SCIN: variants seen among roughly 807,000 people sequenced by gnomAD.
SCIN encodes adseverin.
A neutral mutation model predicts 91.8 loss-of-function variants in SCIN; 91 were observed. The observed-to-expected ratio is 0.99, with a 90% CI of 0.84 to 1.18. The LOEUF (loss-of-function observed/expected upper bound fraction) is 1.18, where lower values mean the gene tolerates loss of function less well. SCIN is among the 50% of genes most tolerant of loss of function. The pLI is 0.00. For missense variants in SCIN, 1,087 were observed against 863.9 expected (o/e 1.26, Z -3.24); for synonymous variants, 367 against 312.6 (o/e 1.17, Z -1.84).
intron 3 of SCIN, among the ~76,000 whole-genome samples, chr7:12,594,917 C>G (rs899559416): frequency 2.0e-5 from 3 of 152,106 alleles, no homozygotes; most frequent in Non-Finnish European, 4.4e-5. Context: ...GTCTCTCTTA[C>G]TCACCCCTCT....
chr7:12,615,995 G>A (rs992405244), intron 4 of SCIN, among the ~76,000 whole-genome samples: 1 of 152,086 alleles, frequency 6.6e-6, no homozygotes, highest in African/African-American at 2.4e-5. Flanking sequence ...ATGTGTATAT[G>A]TATATGTATA....
In SCIN at chr7:12,578,046, T is replaced by C. The variant is rs1782411409; in HGVS notation, c.200-18T>C. On this transcript the variant is annotated intron_variant, in intron 1 of 15. Transcript: ENST00000297029. ...TTCTCTTGCTTGATAATTGAGGTGC[T>C]GTTGTTCACTGTTTTAGGAAAGGAG... The C allele has an allele frequency of 2.0e-6, 3 of 1,521,494 alleles. No homozygotes were observed. 94.2% of individuals were successfully genotyped at this position (1,521,494 alleles called of 1,614,324 possible). A position where few individuals can be genotyped will look rare whatever the true frequency, so the allele number is the denominator to read the frequency against.
intron 4 of SCIN, among the ~76,000 whole-genome samples, chr7:12,616,344 G>A (rs1372177556): frequency 1.3e-5 from 2 of 152,058 alleles, no homozygotes; most frequent in Non-Finnish European, 2.9e-5. Flanking sequence ...TTTCTTGAGA[G>A]TGGGTTTATT....
rs555158515 is a variant in SCIN at position 12,591,892 on chromosome 7, A to G, written c.516+10671A>G. Among the ~76,000 whole-genome samples, 4 of 152,136 alleles carry G rather than the reference A, an allele frequency of 2.6e-5. No individual in the cohort carries two copies. The South Asian group carries it at 6.2e-4, about 24-fold the overall frequency. The stretch of plus-strand genomic sequence containing the variant: ...GTTGGGCCTTGGAGGGGGAGACCCT[A>G]TACCCTTTGATAGCGAGAAAGTTTA... On this transcript the variant is annotated intron_variant, in intron 3 of 15. Transcript: ENST00000297029.
intron 4 of SCIN, among the ~76,000 whole-genome samples, chr7:12,616,207 T>C (rs1365597789): frequency 6.6e-6 from 1 of 152,084 alleles, no homozygotes; most frequent in Admixed American, 6.6e-5. Flanking sequence ...AGAGACACTG[T>C]AGTGAAGCCC....
chr7:12,590,908 T>C (rs1284756745), intron 3 of SCIN, among the ~76,000 whole-genome samples: 2 of 152,134 alleles, frequency 1.3e-5, no homozygotes, highest in Non-Finnish European at 2.9e-5. Flanking sequence ...TCTGTATAAA[T>C]GTTGACTCGT....
intron 4 of SCIN, among the ~76,000 whole-genome samples, chr7:12,614,824 A>T (rs1193757391): frequency 6.6e-6 from 1 of 152,190 alleles, no homozygotes; most frequent in African/African-American, 2.4e-5. Flanking sequence ...TTAAGATACT[A>T]TCTATAGACA....
chr7:12,587,150 GATC>G (rs1237978483), intron 3 of SCIN, among the ~76,000 whole-genome samples: 1 of 152,086 alleles, frequency 6.6e-6, no homozygotes, highest in East Asian at 1.9e-4. Context: ...ACTCTGATTT[GATC>G]ATTACACACT....
chr7:12,614,803 G>A (rs1387536948), intron 4 of SCIN, among the ~76,000 whole-genome samples: 1 of 152,172 alleles, frequency 6.6e-6, no homozygotes, highest in Non-Finnish European at 1.5e-5. Flanking sequence ...GAAAGCAAAA[G>A]ACTTCGAGCT....
At chr7:12,577,838 A>G in intron 1 of SCIN, 2 of 477,852 alleles carry the variant, frequency 4.2e-6, no homozygotes, top group South Asian at 5.3e-5. Context: ...GCTTAGCAAC[A>G]GAGCAACACC....
At position 12,615,703 on chromosome 7, in the gene SCIN, T is replaced by G. The variant is rs10274576; in HGVS notation, c.667-7098T>G. 5.7e-3 allele frequency among the ~76,000 whole-genome samples: 859 copies of G among 149,898 alleles called. 7 individuals are homozygous for G. Among genetic ancestry groups the G allele is most frequent in the African/African-American group, 0.019 (775 of 40,120 alleles). On this transcript the variant is annotated intron_variant, in intron 4 of 15. Coordinates refer to ENST00000297029, the MANE Select transcript of SCIN (RefSeq NM_001112706.3). ...TGGTTTAGGGTAATTGAGGTACACA[T>G]TTTTTTTTGGAAAGAATATACATTT...
intron 3 of SCIN, among the ~76,000 whole-genome samples, chr7:12,591,658 G>A (rs1486417548): frequency 1.3e-5 from 2 of 152,128 alleles, no homozygotes; most frequent in Admixed American, 6.5e-5. Flanking sequence ...CATTGGGAGG[G>A]CCTTTGGCCA....
At chr7:12,613,711 C>A (rs891368465) in intron 4 of SCIN, among the ~76,000 whole-genome samples, 3 of 151,896 alleles carry the variant, frequency 2.0e-5, no homozygotes, top group African/African-American at 7.3e-5. Flanking sequence ...TAGTGCATCA[C>A]AATTTTTAGA....
At chr7:12,611,006 T>TC (rs1445161160) in intron 4 of SCIN, 1 of 152,162 alleles carries the variant, frequency 6.6e-6, no homozygotes, top group Non-Finnish European at 1.5e-5. Flanking sequence ...GCCACAAAAC[T>TC]CCAATTCTTT....
chr7:12,609,517 A>C (rs1386423258), intron 4 of SCIN, among the ~76,000 whole-genome samples: 1 of 152,158 alleles, frequency 6.6e-6, no homozygotes, highest in Admixed American at 6.5e-5. Flanking sequence ...GCAAAAAACA[A>C]ACAAACAAAC....
chr7:12,610,773 G>A (rs1333008477), intron 4 of SCIN, among the ~76,000 whole-genome samples: 1 of 152,094 alleles, frequency 6.6e-6, no homozygotes, highest in Non-Finnish European at 1.5e-5. Context: ...TCAGGTGATA[G>A]TTAGAACCAG....
At chr7:12,596,832 G>A (rs1473899342) in intron 3 of SCIN, among the ~76,000 whole-genome samples, 2 of 152,116 alleles carry the variant, frequency 1.3e-5, no homozygotes, top group Admixed American at 1.3e-4. Context: ...AGCTAGAATT[G>A]TCCAAGTCAT....
At chr7:12,591,659 C>G (rs1482773273) in intron 3 of SCIN, among the ~76,000 whole-genome samples, 1 of 151,932 alleles carries the variant, frequency 6.6e-6, no homozygotes, top group Admixed American at 6.6e-5. Flanking sequence ...ATTGGGAGGG[C>G]CTTTGGCCAC....
chr7:12,574,479 G>GTA, intron 1 of SCIN, among the ~76,000 whole-genome samples: 1 of 152,208 alleles, frequency 6.6e-6, no homozygotes, highest in Non-Finnish European at 1.5e-5. Context: ...GATAGCAGAT[G>GTA]TATGAATTTA....
Sources: gnomAD v4.1 joint callset for allele counts (sites outside exome capture counted in the v4.1 genomes callset) on GRCh38, gnomAD v4.1.1 for gene constraint, MANE v1.5 for transcripts, NCBI Gene and HGNC (gene_info 2026-07-23, HGNC 2026-07-21) for gene names.